LINGO2: variants seen among roughly 807,000 people sequenced by gnomAD.
LINGO2 encodes leucine-rich repeat and immunoglobulin-like domain-containing nogo receptor-interacting protein 2.
Under a neutral mutation model 30.6 loss-of-function variants are expected in LINGO2, and 14 were observed. That is an observed-to-expected ratio of 0.46 (90% confidence interval 0.30 to 0.72). The LOEUF (loss-of-function observed/expected upper bound fraction) is 0.72. Among genes scored for constraint, LINGO2 ranks in the 30% least tolerant of loss-of-function variants. The pLI is 0.07. For missense variants in LINGO2, 729 were observed against 751.7 expected (o/e 0.97, Z 0.35); for synonymous variants, 317 against 288.5 (o/e 1.10, Z -1.00).
intron 2 of LINGO2, among the ~76,000 whole-genome samples, chr9:28,428,748 G>A (rs1017062217): frequency 6.6e-6 from 1 of 152,092 alleles, no homozygotes; most frequent in Non-Finnish European, 1.5e-5. Context: ...GACACACCTG[G>A]ATTTGAAACT....
the LINGO2 span, among the ~76,000 whole-genome samples, chr9:28,814,233 T>C: frequency 6.6e-6 from 1 of 152,246 alleles, no homozygotes; most frequent in South Asian, 2.1e-4. Context: ...AGTCAAGACA[T>C]TGAGACCATC....
chr9:28,475,534 T>G (rs1981007), intron 2 of LINGO2, among the ~76,000 whole-genome samples: 7,577 of 152,256 alleles, frequency 0.05, 466 homozygotes, highest in African/African-American at 0.14. Context: ...TTAGTGGTTA[T>G]TACTTGGTAT....
chr9:29,043,510 T>G, the LINGO2 span, among the ~76,000 whole-genome samples: 1 of 151,996 alleles, frequency 6.6e-6, no homozygotes, highest in Non-Finnish European at 1.5e-5. Flanking sequence ...ATGCAATATT[T>G]GCACTCTTAA....
At chr9:28,685,515 A>AT in the LINGO2 span, among the ~76,000 whole-genome samples, 1 of 152,030 alleles carries the variant, frequency 6.6e-6, no homozygotes, top group Non-Finnish European at 1.5e-5. Flanking sequence ...TGTGTTTCTG[A>AT]TTTTCCATTT....
intron 2 of LINGO2, among the ~76,000 whole-genome samples, chr9:28,412,820 G>T (rs960361818): frequency 2.0e-5 from 3 of 151,632 alleles, no homozygotes; most frequent in African/African-American, 7.3e-5. Context: ...CTTTACCCTT[G>T]AGCAATATAG....
intron 4 of LINGO2, among the ~76,000 whole-genome samples, chr9:28,266,839 A>C (rs920999809): frequency 2.0e-5 from 3 of 152,048 alleles, no homozygotes; most frequent in African/African-American, 7.2e-5. Flanking sequence ...GTAAGCTATG[A>C]CCAGTATTAA....
chr9:28,689,435 T>C, the LINGO2 span, among the ~76,000 whole-genome samples: 1 of 151,812 alleles, frequency 6.6e-6, no homozygotes, highest in African/African-American at 2.4e-5. Flanking sequence ...ATATACATGC[T>C]GCTAACAAAC....
At chr9:29,212,853 C>T in the LINGO2 span, among the ~76,000 whole-genome samples, 1 of 152,204 alleles carries the variant, frequency 6.6e-6, no homozygotes, top group Non-Finnish European at 1.5e-5. Context: ...TTAACCCCCA[C>T]CCCATCCCCA....
At chr9:28,511,980 C>T (rs111726262) in intron 1 of LINGO2, among the ~76,000 whole-genome samples, 1,534 of 152,260 alleles carry the variant, frequency 0.01, 20 homozygotes, top group Admixed American at 0.035. Context: ...CCTCTGTCAA[C>T]TGATCATAGA....
At chr9:28,759,873 A>C in the LINGO2 span, among the ~76,000 whole-genome samples, 1 of 151,992 alleles carries the variant, frequency 6.6e-6, no homozygotes, top group Non-Finnish European at 1.5e-5. Flanking sequence ...AAAAATTAGA[A>C]GAGGGTAAAA....
the LINGO2 span, among the ~76,000 whole-genome samples, chr9:28,925,308 C>G: frequency 6.6e-6 from 1 of 152,136 alleles, no homozygotes; most frequent in Non-Finnish European, 1.5e-5. Context: ...GATCTTGAAC[C>G]AGAGCCAGTG....
At chr9:29,173,956 T>C in the LINGO2 span, among the ~76,000 whole-genome samples, 2 of 151,984 alleles carry the variant, frequency 1.3e-5, no homozygotes, top group Non-Finnish European at 2.9e-5. Context: ...ATTTTTCCCT[T>C]CAATGCATGT....
At chr9:28,729,088 T>G in the LINGO2 span, among the ~76,000 whole-genome samples, 13 of 152,188 alleles carry the variant, frequency 8.5e-5, no homozygotes, top group Non-Finnish European at 1.6e-4. Context: ...AGTATCTCTT[T>G]GAATATTCAG....
At chr9:27,983,940 G>A (rs997962964) in intron 5 of LINGO2, among the ~76,000 whole-genome samples, 2 of 151,812 alleles carry the variant, frequency 1.3e-5, no homozygotes, top group Non-Finnish European at 1.5e-5. Flanking sequence ...AGATGGGCGT[G>A]GTCTTGCACA....
the LINGO2 span, among the ~76,000 whole-genome samples, chr9:28,907,806 G>A: frequency 5.4e-3 from 820 of 151,634 alleles, 8 homozygotes; most frequent in African/African-American, 0.019. Context: ...AGTTGATAGG[G>A]GCTAATGGAA....
At chr9:29,184,929 T>C in the LINGO2 span, among the ~76,000 whole-genome samples, 4 of 152,354 alleles carry the variant, frequency 2.6e-5, no homozygotes, top group Non-Finnish European at 5.9e-5. Context: ...TGCTATCAGT[T>C]AGCTGTAGCT....
At chr9:28,799,643 G>C in the LINGO2 span, among the ~76,000 whole-genome samples, 25 of 152,250 alleles carry the variant, frequency 1.6e-4, no homozygotes, top group East Asian at 4.8e-3. Flanking sequence ...TCTGAGGCCT[G>C]AGTTCCTCGT....
rs1342558351 is a variant in LINGO2 at position 28,147,372 on chromosome 9, A to G, written c.-86-134967T>C. The stretch of plus-strand genomic sequence containing the variant: ...AAAGTGGAGACCCTGCCTGCCAGGG[A>G]GGCATGTGGTAAGAGGCGCATCCAG... On this transcript the variant is annotated intron_variant, in intron 4 of 5. Transcript: ENST00000379992. The surrounding 1 kb of genome is among the most constrained non-coding windows in gnomAD (Gnocchi z 4.7). Among the ~76,000 whole-genome samples the G allele has an allele frequency of 6.6e-6, 1 of 152,166 alleles. No individual in the cohort carries two copies. Among genetic ancestry groups the G allele is most frequent in the Non-Finnish European group, 1.5e-5 (1 of 68,008 alleles).
At chr9:28,772,855 C>T in the LINGO2 span, among the ~76,000 whole-genome samples, 1 of 152,140 alleles carries the variant, frequency 6.6e-6, no homozygotes. Context: ...GATGGCAATA[C>T]TATCAATCTA....
Sources: allele counts gnomAD v4.1 joint callset (sites outside exome capture counted in the v4.1 genomes callset), GRCh38; gene constraint gnomAD v4.1.1; non-coding constraint Gnocchi (gnomAD v3.1); transcripts MANE v1.5; gene names NCBI Gene and HGNC (gene_info 2026-07-23, HGNC 2026-07-21).